PTPRU: variants seen among roughly 807,000 people sequenced by gnomAD.
PTPRU encodes the protein protein tyrosine phosphatase receptor type U.
Under a neutral mutation model 166.3 loss-of-function variants are expected in PTPRU, and 69 were observed. That is an observed-to-expected ratio of 0.41 (90% CI 0.34 to 0.51). PTPRU has a LOEUF of 0.51. PTPRU is among the 20% of genes least tolerant of loss of function. The pLI is 0.09. For synonymous variants in PTPRU, 793 were observed against 814.0 expected (o/e 0.97, Z 0.44); for missense variants, 1,657 against 2,013.7 (o/e 0.82, Z 3.39).
At position 29,279,675 on chromosome 1, in the gene PTPRU, C is replaced by T. The variant is rs200137859; in HGVS notation, c.1765+18C>T. The T allele has an allele frequency of 1.2e-4, 188 of 1,607,298 alleles. No homozygotes were observed. The highest frequency in any genetic ancestry group is 1.4e-4 in the Non-Finnish European group (164 of 1,178,716). On this transcript the variant is annotated intron_variant, in intron 10 of 29. Transcript: ENST00000373779. The surrounding 1 kb of genome is among the most constrained non-coding windows in gnomAD (Gnocchi z 5.2). The stretch of plus-strand genomic sequence containing the variant: ...CATCTCTGGTGAGCCCCACCTGACC[C>T]GGCCCAGCCTCTTCGGAGGTGGCCC...
At chr1:29,325,125 C>T in intron 28 of PTPRU, 66 bp from the exon 29 acceptor site, 1 of 1,596,998 alleles carries the variant, frequency 6.3e-7, no homozygotes, top group South Asian at 1.1e-5. Flanking sequence ...CCTCGTGGTT[C>T]CCTGGCCCTT....
chr1:29,255,297 A>G lies in PTPRU; in HGVS notation c.96A>G (p.Ala32=), dbSNP rs1210967254. 6.2e-7 allele frequency: 1 copy of G among 1,613,836 alleles called. No individual in the cohort carries two copies. Among genetic ancestry groups the G allele is most frequent in the South Asian group, 1.1e-5 (1 of 91,078 alleles). Residue 32 remains alanine, a synonymous_variant, in exon 2 of 30, where the codon GCA becomes GCG. Coordinates refer to ENST00000373779, the MANE Select transcript of PTPRU (RefSeq NM_133178.4). ...CAGCTGGCTGCACCTTCGAGGAGGC[A>G]AGTGACCCAGCAGTGCCCTGCGAGT... ...TPAAGCTFEE[A]SDPAVPCEYS... is the part of the protein sequence containing the mutation.
chr1:29,284,617 G>C, intron 13 of PTPRU, 114 bp from the exon 14 acceptor site: 1 of 1,435,252 alleles, frequency 7.0e-7, no homozygotes, highest in Non-Finnish European at 9.8e-7. Context: ...CACACATTGA[G>C]GATGTAGGGC....
At chr1:29,299,178 GTC>G (rs1362622133) in intron 15 of PTPRU, among the ~76,000 whole-genome samples, 2 of 152,182 alleles carry the variant, frequency 1.3e-5, no homozygotes, top group East Asian at 3.9e-4. Flanking sequence ...TTGAATTCAG[GTC>G]TCTCTGACTC....
intron 12 of PTPRU, 96 bp downstream of exon 12, chr1:29,283,045 C>T: frequency 4.7e-6 from 7 of 1,503,608 alleles, no homozygotes; most frequent in Non-Finnish European, 5.4e-6. Context: ...GACTCCAGGC[C>T]CGGCACTTCC....
chr1:29,247,084 T>G (rs1279524910), intron 1 of PTPRU, among the ~76,000 whole-genome samples: 1 of 152,196 alleles, frequency 6.6e-6, no homozygotes, highest in Non-Finnish European at 1.5e-5. Flanking sequence ...TCCCCTTATC[T>G]CTCTGTTGTT....
At position 29,259,498 on chromosome 1, in the gene PTPRU, C is replaced by T. The variant is rs200897691; in HGVS notation, c.609C>T (p.Gly203=). The change falls in exon 5 of 30, where the codon GGC becomes GGT. Residue 203 remains glycine (G), a synonymous_variant. Transcript: ENST00000373779. ...TGGGCGACGTGGAGGTCAACGCGGGCCAGAACGCGTCGTTCCAGTGCATGG... is the reference window on the plus strand; with the variant it reads ...TGGGCGACGTGGAGGTCAACGCGGGTCAGAACGCGTCGTTCCAGTGCATGG... The part of the protein sequence containing the change: ...SRLGDVEVNA[G]QNASFQCMAA... 39 of 1,612,190 alleles carry T rather than the reference C, an allele frequency of 2.4e-5. No homozygotes were observed. In the Admixed American group the frequency reaches 4.7e-4, roughly 19 times the overall value.
intron 24 of PTPRU, 114 bp downstream of exon 24, chr1:29,316,265 C>A: frequency 7.8e-7 from 1 of 1,282,844 alleles, no homozygotes; most frequent in Non-Finnish European, 1.1e-6. Flanking sequence ...CAGCCTGAGG[C>A]CACAGCTGGA....
rs1468721005 is a variant in PTPRU at position 29,323,317 on chromosome 1, G to A, written c.3829-54G>A. 3 of 1,578,244 alleles carry A rather than the reference G, an allele frequency of 1.9e-6. 1 individual carries two copies. The highest frequency in any genetic ancestry group is 3.5e-5 in the Admixed American group (2 of 57,022). On this transcript the variant is annotated intron_variant, in intron 26 of 29. Transcript: ENST00000373779. ...GCCCTTGGGGTGGGCATGGCTGTGG[G>A]GTGAGCCCCGGCCAGGCTCTACTCA...
chr1:29,251,506 C>T (rs1684544173), intron 1 of PTPRU, among the ~76,000 whole-genome samples: 1 of 152,196 alleles, frequency 6.6e-6, no homozygotes, highest in South Asian at 2.1e-4. Context: ...GGGAGCCAGG[C>T]TGGCTGAGGT....
intron 12 of PTPRU, 145 bp from the exon 13 acceptor site, chr1:29,283,795 C>T (rs1686213934): frequency 6.4e-6 from 6 of 938,496 alleles, no homozygotes; most frequent in Admixed American, 2.1e-5. Flanking sequence ...TCCCCCCAGG[C>T]CTGCCTTCGG....
intron 14 of PTPRU, chr1:29,289,752 C>G: frequency 1.2e-6 from 2 of 1,607,452 alleles, no homozygotes; most frequent in Non-Finnish European, 1.7e-6. Flanking sequence ...CCGGCCCTGC[C>G]TAGGGGGAGA....
In PTPRU at chr1:29,304,891, G is replaced by C. The variant is rs372320000; in HGVS notation, c.2743+42G>C. The C allele has an allele frequency of 7.1e-6, 11 of 1,541,246 alleles. No individual in the cohort carries two copies. In the African/African-American group the frequency reaches 1.2e-4, roughly 17 times the overall value. ...GGCCTGGGGTCCAGGGCAGTGGGTG[G>C]GAGGGCATCAGGAGGGGGAACACAG... is the stretch of plus-strand genomic sequence containing the variant. On this transcript the variant is annotated intron_variant, in intron 17 of 29. Coordinates refer to ENST00000373779, the MANE Select transcript of PTPRU (RefSeq NM_133178.4).
chr1:29,249,163 C>CACAT (rs139121461), intron 1 of PTPRU, among the ~76,000 whole-genome samples: 96,893 of 151,684 alleles, frequency 0.64, 31,848 homozygotes, highest in Non-Finnish European at 0.71. Context: ...CGTGTGCACA[C>CACAT]ACACACACGC....
chr1:29,263,709 G>A (rs1685168922), intron 7 of PTPRU, among the ~76,000 whole-genome samples: 1 of 152,102 alleles, frequency 6.6e-6, no homozygotes, highest in Admixed American at 6.5e-5. Context: ...GTATCTCATT[G>A]TGATTTTGAT....
At chr1:29,283,731 C>G in intron 12 of PTPRU, 2 of 592,562 alleles carry the variant, frequency 3.4e-6, no homozygotes, top group South Asian at 2.2e-5. Context: ...CCGATCTCAT[C>G]CCCCTTTCCT....
At position 29,267,718 on chromosome 1, in the gene PTPRU, A is replaced by G. The variant is rs566928918; in HGVS notation, c.1144+6815A>G. ...GGACTTAGAGCCGTTGTACACAGAGAGAGCTGGGGAGCCACTGAAGAGTTT... is the reference window on the plus strand; with the variant it reads ...GGACTTAGAGCCGTTGTACACAGAGGGAGCTGGGGAGCCACTGAAGAGTTT... On this transcript the variant is annotated intron_variant, in intron 7 of 29. Coordinates refer to ENST00000373779, the MANE Select transcript of PTPRU (RefSeq NM_133178.4). Among the ~76,000 whole-genome samples the G allele has an allele frequency of 1.9e-4, 29 of 152,332 alleles. No individual in the cohort carries two copies. The South Asian group carries it at 5.6e-3, about 29-fold the overall frequency.
chr1:29,255,351 G>T lies in PTPRU; in HGVS notation c.150G>T (p.Gln50His). 6.2e-7 allele frequency: 1 copy of T among 1,614,200 alleles called. No homozygotes were observed. Among genetic ancestry groups the T allele is most frequent in the East Asian group, 2.2e-5 (1 of 44,890 alleles). Reference protein sequence around the residue: ...EYSQAQYDDFQWEQVRIHPGT... With the variant: ...EYSQAQYDDFHWEQVRIHPGT... ...GCCAGGCCCAGTACGATGACTTCCA[G>T]TGGGAGCAAGTGCGAATCCACCCTG... is the stretch of plus-strand genomic sequence containing the variant. Residue 50 changes from glutamine to histidine, a missense_variant, in exon 2 of 30, where the codon CAG becomes CAT. Around this residue, in one of 3 missense-constraint regions of PTPRU, gnomAD observed 453 missense variants for 496.9 expected, o/e 0.91. Coordinates refer to ENST00000373779, the MANE Select transcript of PTPRU (RefSeq NM_133178.4).
rs1376579563 is a variant in PTPRU at position 29,304,107 on chromosome 1, G to A, written c.2667+62G>A. ...AGGCCTCACCTGGCTCTTACTCTCT[G>A]TGGACTCTGACCCTGGCAACCCTCA... On this transcript the variant is annotated intron_variant, in intron 16 of 29. Coordinates refer to ENST00000373779, the MANE Select transcript of PTPRU (RefSeq NM_133178.4). 2.6e-6 allele frequency: 4 copies of A among 1,541,632 alleles called. No homozygotes were observed. In the South Asian group the frequency reaches 3.7e-5, roughly 14 times the overall value.
Sources: allele counts gnomAD v4.1 joint callset (sites outside exome capture counted in the v4.1 genomes callset), GRCh38; gene constraint gnomAD v4.1.1; regional missense constraint gnomAD v4.1.1; non-coding constraint Gnocchi (gnomAD v3.1); transcripts MANE v1.5; gene names NCBI Gene and HGNC (gene_info 2026-07-23, HGNC 2026-07-21).